Variants in ARHGAP21 observed in about 807,000 individuals in gnomAD.
The protein encoded by ARHGAP21 is Rho GTPase activating protein 21, also known as rho GTPase-activating protein 21.
In ARHGAP21, 38 loss-of-function variants were observed where a neutral mutation model predicts 164.6. The ratio of observed to expected loss-of-function variants is 0.23; its 90% CI spans 0.18 to 0.30. The LOEUF is 0.30. Ranked by LOEUF, ARHGAP21 falls within the 10% of genes least tolerant of loss-of-function variation. The pLI is 1.00. For synonymous variants in ARHGAP21, 766 were observed against 857.9 expected (o/e 0.89, Z 1.87); for missense variants, 1,822 against 2,370.7 (o/e 0.77, Z 4.81).
intron 11 of ARHGAP21, among the ~76,000 whole-genome samples, chr10:24,605,522 C>T (rs747688080): frequency 6.6e-6 from 1 of 151,518 alleles, no homozygotes; most frequent in Non-Finnish European, 1.5e-5. Flanking sequence ...ATTCCTGCTA[C>T]CCTGGAAGCA....
chr10:24,591,663 T>C lies in ARHGAP21; in HGVS notation c.4023A>G (p.Glu1341=). 1.9e-6 allele frequency: 3 copies of C among 1,614,136 alleles called. No homozygotes were observed. The highest frequency in any genetic ancestry group is 2.5e-6 in the Non-Finnish European group (3 of 1,179,996). ...TTACAAGAGGCTCTTCAGCACCTTC[T>C]TCTGTGAAAAACCAGTCATGCTAAA... is the stretch of plus-strand genomic sequence containing the variant. ...LIQHHDWFFT[E]EGAEEPLTTV... Residue 1341 remains glutamate, a synonymous_variant, in exon 23 of 26, where the codon GAA becomes GAG. Coordinates refer to ENST00000396432, the MANE Select transcript of ARHGAP21 (RefSeq NM_020824.4).
intron 2 of ARHGAP21, among the ~76,000 whole-genome samples, chr10:24,719,144 T>G: frequency 6.9e-6 from 1 of 145,370 alleles, no homozygotes; most frequent in Admixed American, 6.8e-5. Flanking sequence ...AAAAATCACT[T>G]AAGAGGTTCA....
intron 7 of ARHGAP21, chr10:24,629,047 G>C (rs1354781836): frequency 8.7e-5 from 10 of 114,318 alleles, no homozygotes; most frequent in Non-Finnish European, 1.6e-4. Flanking sequence ...CCAGGCTGGA[G>C]TGCAGTGGCG....
At position 24,670,256 on chromosome 10, in the gene ARHGAP21, C is replaced by T. The variant is rs773785072; in HGVS notation, c.205G>A (p.Val69Ile). The T allele has an allele frequency of 1.9e-6, 3 of 1,598,144 alleles. No individual in the cohort carries two copies. In the South Asian group the frequency reaches 3.4e-5, roughly 18 times the overall value. ...GFGFTLRHFI[V>I]YPPESAIQFS... ...TGAATTGCAGACTCTGGGGGATAAA[C>T]AATAAAATGTCTTAATGTAAAACCA... Residue 69 changes from valine (V) to isoleucine (I), a missense_variant, in exon 3 of 26, where the codon GTT becomes ATT. This residue lies in a region of ARHGAP21 where 1,090 missense variants were observed against 1,378.9 expected (regional missense o/e 0.79). Transcript: ENST00000396432.
rs144483016 is a variant in ARHGAP21 at position 24,633,819 on chromosome 10, T to C, written c.362-339A>G. Among the ~76,000 whole-genome samples the C allele has an allele frequency of 6.0e-5, 9 of 150,308 alleles. No homozygotes were observed. The East Asian group carries it at 1.8e-3, about 30-fold the overall frequency. On this transcript the variant is annotated intron_variant, in intron 5 of 25. Transcript: ENST00000396432. ...GGGACCAGAGCTATACTACTTATGCTCCTATCAGTTGTTTCCTGAGTTGCA... is the reference window on the plus strand; with the variant it reads ...GGGACCAGAGCTATACTACTTATGCCCCTATCAGTTGTTTCCTGAGTTGCA...
intron 9 of ARHGAP21, among the ~76,000 whole-genome samples, chr10:24,619,070 AAT>A (rs1441542256): frequency 1.3e-5 from 2 of 152,312 alleles, no homozygotes; most frequent in East Asian, 3.9e-4. Flanking sequence ...TTTACAAAGA[AAT>A]ATGTTTTAGA....
At position 24,584,690 on chromosome 10, in the gene ARHGAP21, T is replaced by C. The variant is rs779546393; in HGVS notation, c.5599A>G (p.Arg1867Gly). Residue 1867 changes from arginine to glycine, a missense_variant, in exon 26 of 26, where the codon AGA (arginine) becomes GGA (glycine). By Grantham distance (125) the Arg-to-Gly change is moderately radical. Around this residue, in one of 5 missense-constraint regions of ARHGAP21, gnomAD observed 165 missense variants for 176.6 expected, o/e 0.93. Transcript: ENST00000396432. Reference sequence around the variant, plus strand: ...GTCTGGGGATCTCCGATTTCTCCTCTGCTAAGGTCAGAGGTACTGGTGCGT... The same window carrying C: ...GTCTGGGGATCTCCGATTTCTCCTCCGCTAAGGTCAGAGGTACTGGTGCGT... ...RLRTSTSDLS[R>G]GEIGDPQTEN... The C allele has an allele frequency of 6.2e-7, 1 of 1,613,962 alleles. No individual in the cohort carries two copies. The highest frequency in any genetic ancestry group is 1.1e-5 in the South Asian group (1 of 91,076).
chr10:24,633,310 A>G (rs1472473637), intron 6 of ARHGAP21, 92 bp downstream of exon 6: 5 of 943,062 alleles, frequency 5.3e-6, no homozygotes, highest in Non-Finnish European at 7.9e-6. Context: ...TGTCACCACA[A>G]TTCCTTGTAA....
At chr10:24,626,803 G>A (rs1593077480) in intron 7 of ARHGAP21, among the ~76,000 whole-genome samples, 1 of 152,074 alleles carries the variant, frequency 6.6e-6, no homozygotes, top group Non-Finnish European at 1.5e-5. Flanking sequence ...AGATACCAGA[G>A]TCTAAAATAT....
At position 24,586,020 on chromosome 10, in the gene ARHGAP21, C is replaced by T. The variant is rs768114070; in HGVS notation, c.4269G>A (p.Lys1423=). Residue 1423 remains lysine, a synonymous_variant, in exon 26 of 26, where the codon AAG becomes AAA. Coordinates refer to ENST00000396432, the MANE Select transcript of ARHGAP21 (RefSeq NM_020824.4). The part of the protein sequence containing the change: ...IFAAASRKRK[K]PKEKAQPSSS... Reference sequence around the variant, plus strand: ...TGCTAGGCTGTGCTTTTTCTTTCGGCTTCTTCCTCTTGCGACTAGCAGCTG... The same window carrying T: ...TGCTAGGCTGTGCTTTTTCTTTCGGTTTCTTCCTCTTGCGACTAGCAGCTG... 25 of 1,614,050 alleles carry T rather than the reference C, an allele frequency of 1.5e-5. 1 individual carries two copies. Among genetic ancestry groups the T allele is most frequent in the South Asian group, 6.6e-5 (6 of 91,082 alleles).
At chr10:24,629,671 T>A in intron 7 of ARHGAP21, 1 of 243,680 alleles carries the variant, frequency 4.1e-6, no homozygotes, top group Non-Finnish European at 8.6e-6. Flanking sequence ...CCTGGGGATA[T>A]GCACTTGCAC....
rs1467335098 is a variant in ARHGAP21, at chr10:24,585,652, G to C, written c.4637C>G (p.Ser1546Cys). ...SSHLEETGSD[S>C]GTLLSTSSQA... is the part of the protein sequence containing the mutation. ...GGAAGACGTGCTGAGCAAAGTGCCA[G>C]AGTCAGAGCCTGTCTCTTCAAGGTG... is the stretch of plus-strand genomic sequence containing the variant. Residue 1546 changes from serine to cysteine, a missense_variant, in exon 26 of 26, where the codon TCT becomes TGT. Ser to Cys is a moderately radical substitution (Grantham distance 112). This residue lies in a region of ARHGAP21 where 333 missense variants were observed against 383.9 expected (regional missense o/e 0.87). Transcript: ENST00000396432. The C allele has an allele frequency of 1.2e-6, 2 of 1,614,190 alleles. No individual in the cohort carries two copies. The highest frequency in any genetic ancestry group is 1.7e-6 in the Non-Finnish European group (2 of 1,180,036).
At chr10:24,645,816 G>A (rs1837512524) in intron 4 of ARHGAP21, among the ~76,000 whole-genome samples, 2 of 152,140 alleles carry the variant, frequency 1.3e-5, no homozygotes, top group African/African-American at 2.4e-5. Flanking sequence ...AGAGAAAAAT[G>A]CTGAGGAAGA....
chr10:24,598,053 T>G (rs1351615481), intron 14 of ARHGAP21, 44 bp from the exon 15 acceptor site: 1 of 1,493,592 alleles, frequency 6.7e-7, no homozygotes, highest in Non-Finnish European at 9.3e-7. Flanking sequence ...TAAACATAAA[T>G]AAGTGATCCT....
intron 6 of ARHGAP21, among the ~76,000 whole-genome samples, chr10:24,630,595 C>A (rs916228148): frequency 6.6e-6 from 1 of 152,076 alleles, no homozygotes; most frequent in Middle Eastern, 3.2e-3. Flanking sequence ...GGGTCTAAGC[C>A]ATTCTCATGC....
chr10:24,636,380 G>C (rs1002997629), intron 4 of ARHGAP21, among the ~76,000 whole-genome samples: 3 of 152,188 alleles, frequency 2.0e-5, no homozygotes, highest in Non-Finnish European at 4.4e-5. Context: ...CCCCACCCTA[G>C]ATCTCCTGAA....
At chr10:24,713,751 G>A (rs1845083676) in intron 2 of ARHGAP21, among the ~76,000 whole-genome samples, 1 of 151,702 alleles carries the variant, frequency 6.6e-6, no homozygotes, top group Non-Finnish European at 1.5e-5. Flanking sequence ...GGGATGACAG[G>A]CATTAGCCAC....
chr10:24,602,733 CTG>C (rs1321937639), intron 12 of ARHGAP21, among the ~76,000 whole-genome samples: 1 of 152,224 alleles, frequency 6.6e-6, no homozygotes, highest in East Asian at 1.9e-4. Flanking sequence ...TCTGAGTACT[CTG>C]TCAAGAGTGG....
intron 14 of ARHGAP21, among the ~76,000 whole-genome samples, chr10:24,599,576 CTGAG>C (rs1592967356): frequency 6.6e-6 from 1 of 152,128 alleles, no homozygotes; most frequent in South Asian, 2.1e-4. Context: ...GTAGGCATTC[CTGAG>C]TATTAAAAGA....
Sources: gnomAD v4.1 joint callset for allele counts (sites outside exome capture counted in the v4.1 genomes callset) on GRCh38, gnomAD v4.1.1 for gene constraint, gnomAD v4.1.1 regional missense constraint, MANE v1.5 for transcripts, NCBI Gene and HGNC (gene_info 2026-07-23, HGNC 2026-07-21) for gene names.